SRSF1: variants seen among roughly 807,000 people sequenced by gnomAD.
SRSF1 encodes the protein serine/arginine-rich splicing factor 1.
SRSF1 carries 1 observed loss-of-function variant against 25.9 expected under a neutral mutation model. That is an observed-to-expected ratio of 0.04 (90% CI 0.01 to 0.18). SRSF1 has a LOEUF of 0.18. SRSF1 is among the 10% of genes least tolerant of loss of function. The pLI, the probability that SRSF1 is intolerant of heterozygous loss-of-function variation, is 1.00. For missense variants in SRSF1, 65 were observed against 350.5 expected, an observed-to-expected ratio of 0.19 and a Z score of 6.50; for synonymous variants, 132 against 126.2, an observed-to-expected ratio of 1.05 and a Z score of -0.31.
rs1412690260 is a variant in SRSF1 at position 58,001,255 on chromosome 17, G to A, written c.*4151C>T. ...CTAATGACCAAGACAATGTTTCAAA[G>A]ACAACAAACACCAAGAAAAGTTGAG... On this transcript the variant is annotated 3_prime_UTR_variant, in exon 4 of 4. Coordinates refer to ENST00000258962, the MANE Select transcript of SRSF1 (RefSeq NM_006924.5). 6.6e-6 allele frequency among the ~76,000 whole-genome samples: 1 copy of A among 151,998 alleles called. No individual in the cohort carries two copies. Among genetic ancestry groups the A allele is most frequent in the Non-Finnish European group, 1.5e-5 (1 of 67,966 alleles).
intron 1 of SRSF1, 23 bp downstream of exon 1, chr17:58,006,921 C>A (rs765871368): frequency 1.8e-5 from 29 of 1,612,902 alleles, no homozygotes; most frequent in Non-Finnish European, 2.3e-5. Flanking sequence ...TTCCTCAAGG[C>A]TGCAAGCCCC....
chr17:58,006,205 TTTA>T, intron 2 of SRSF1, 135 bp downstream of exon 2: 7 of 1,166,732 alleles, frequency 6.0e-6, no homozygotes, highest in Non-Finnish European at 7.2e-6. Flanking sequence ...GCAATCCTCG[TTTA>T]TTAAATTCAC....
chr17:57,992,454 G>C, the SRSF1 span: 6 of 151,980 alleles, frequency 3.9e-5, no homozygotes, highest in Non-Finnish European at 7.4e-5. Flanking sequence ...TTATAGCATT[G>C]TGCTAACAGT....
chr17:57,994,001 A>G, the SRSF1 span: 1 of 152,232 alleles, frequency 6.6e-6, no homozygotes, highest in Non-Finnish European at 1.5e-5. Context: ...CAGTGAAAAC[A>G]CTTCCTGAGC....
chr17:57,996,802 G>A (rs1228286886), downstream of SRSF1, among the ~76,000 whole-genome samples: 2 of 152,120 alleles, frequency 1.3e-5, no homozygotes, highest in East Asian at 3.9e-4. Flanking sequence ...TAAGCTAGCT[G>A]ATCCTATAAA....
the SRSF1 span, chr17:57,990,817 A>G: frequency 6.6e-6 from 1 of 152,240 alleles, no homozygotes; most frequent in South Asian, 2.1e-4. Flanking sequence ...CAGATCCCCA[A>G]CTTGCCCTGT....
At chr17:57,991,157 CCCTAAGGT>C in the SRSF1 span, 1 of 152,188 alleles carries the variant, frequency 6.6e-6, no homozygotes. Context: ...CTTCAAAGAG[CCCTAAGGT>C]AAACGGGCAA....
rs994192931 is a variant in SRSF1 at position 58,002,233 on chromosome 17, T to A, written c.*3173A>T. ...GAATTCTTAGATAAAAAGAGCTACA[T>A]CCTTAAACTTACACTAAGTACTTAG... On this transcript the variant is annotated 3_prime_UTR_variant, in exon 4 of 4. Transcript: ENST00000258962. Among the ~76,000 whole-genome samples the A allele has an allele frequency of 6.6e-6, 1 of 152,204 alleles. No homozygotes were observed. The highest frequency in any genetic ancestry group is 6.5e-5 in the Admixed American group (1 of 15,282).
chr17:58,006,553 G>A (rs1212384081), intron 1 of SRSF1, 26 bp from the exon 2 acceptor site: 4 of 1,595,650 alleles, frequency 2.5e-6, no homozygotes, highest in Non-Finnish European at 3.4e-6. Context: ...AAGTAAAAGG[G>A]ATGAGAAACA....
chr17:57,998,127 T>C (rs899532593), downstream of SRSF1, among the ~76,000 whole-genome samples: 2 of 152,126 alleles, frequency 1.3e-5, no homozygotes, highest in African/African-American at 2.4e-5. Context: ...GGAGAATCGC[T>C]TGAACCCGGG....
chr17:58,005,360 A>T lies in SRSF1; in HGVS notation c.*46T>A. ...ATGAAAAGATTGTACTGAATAAAGG[A>T]AAACTGTATACAACATGGGTTCTAC... On this transcript the variant is annotated 3_prime_UTR_variant, in exon 4 of 4. Coordinates refer to ENST00000258962, the MANE Select transcript of SRSF1 (RefSeq NM_006924.5). This position sits in a 1 kb window ranked among gnomAD's most constrained non-coding sequence, Gnocchi z 5.2. 2 of 1,597,858 alleles carry T rather than the reference A, an allele frequency of 1.3e-6. No individual in the cohort carries two copies. The highest frequency in any genetic ancestry group is 1.7e-6 in the Non-Finnish European group (2 of 1,167,492).
At chr17:57,999,463 G>A (rs1472168591), downstream of SRSF1, among the ~76,000 whole-genome samples, 2 of 152,162 alleles carry the variant, frequency 1.3e-5, 1 homozygote, top group East Asian at 3.9e-4. Flanking sequence ...ATGAGTGCCT[G>A]TAAGGTAAAC....
downstream of SRSF1, among the ~76,000 whole-genome samples, chr17:57,999,640 T>C (rs1272727787): frequency 1.3e-5 from 2 of 152,204 alleles, no homozygotes; most frequent in African/African-American, 4.8e-5. Flanking sequence ...TATGTATCTA[T>C]AATGGGGATT....
downstream of SRSF1, among the ~76,000 whole-genome samples, chr17:57,996,889 T>C (rs2075367473): frequency 6.6e-6 from 1 of 152,170 alleles, no homozygotes; most frequent in African/African-American, 2.4e-5. Flanking sequence ...TGCTATCTAG[T>C]CTCTTCACAA....
At chr17:57,996,597 A>G (rs2075366383), downstream of SRSF1, among the ~76,000 whole-genome samples, 2 of 152,034 alleles carry the variant, frequency 1.3e-5, no homozygotes, top group Middle Eastern at 3.2e-3. Context: ...CCACCTGCAC[A>G]TATAGCACTT....
chr17:58,006,125 A>C, intron 2 of SRSF1, 152 bp from the exon 3 acceptor site: 1 of 972,034 alleles, frequency 1.0e-6, no homozygotes, highest in Non-Finnish European at 1.5e-6. Flanking sequence ...TCTGGAATCC[A>C]GAGTCCAAAA....
intron 1 of SRSF1, 85 bp from the exon 2 acceptor site, chr17:58,006,612 T>C (rs1049920586): frequency 1.4e-6 from 2 of 1,443,898 alleles, no homozygotes; most frequent in South Asian, 2.7e-5. Flanking sequence ...CCCCCGCACA[T>C]GCGCACCCAA....
intron 1 of SRSF1, 142 bp downstream of exon 1, chr17:58,006,802 C>A: frequency 9.2e-7 from 1 of 1,087,156 alleles, no homozygotes; most frequent in Non-Finnish European, 1.3e-6. Flanking sequence ...CAGCTCCTTA[C>A]TCGACTCCTG....
At chr17:58,006,568 G>C (rs760860218) in intron 1 of SRSF1, 41 bp from the exon 2 acceptor site, 4 of 1,575,060 alleles carry the variant, frequency 2.5e-6, no homozygotes, top group Non-Finnish European at 1.7e-6. Flanking sequence ...GAAACACCAG[G>C]AGGAGAAGCT....
Sources: gnomAD v4.1 joint callset for allele counts (sites outside exome capture counted in the v4.1 genomes callset) on GRCh38, gnomAD v4.1.1 for gene constraint, Gnocchi (gnomAD v3.1) non-coding constraint, MANE v1.5 for transcripts, NCBI Gene and HGNC (gene_info 2026-07-23, HGNC 2026-07-21) for gene names.